The following SPIDR variants were observed in gnomAD, a reference collection of about 807,000 sequenced individuals.
SPIDR encodes the protein DNA repair-scaffolding protein.
Under a neutral mutation model 104.6 loss-of-function variants are expected in SPIDR, and 93 were observed. The observed-to-expected ratio is 0.89, with a 90% CI of 0.75 to 1.06. The LOEUF is 1.06. Ranked by LOEUF, SPIDR falls within the 50% of genes least tolerant of loss-of-function variation. The pLI, the probability that SPIDR is intolerant of heterozygous loss-of-function variation, is 0.00. For missense variants in SPIDR, 1,154 were observed against 1,111.2 expected (o/e 1.04, Z -0.55); for synonymous variants, 431 against 416.9 (o/e 1.03, Z -0.41).
At chr8:47,693,187 TG>T (rs2078908435) in intron 11 of SPIDR, among the ~76,000 whole-genome samples, 1 of 152,354 alleles carries the variant, frequency 6.6e-6, no homozygotes, top group South Asian at 2.1e-4. Flanking sequence ...ACTCAAGTAT[TG>T]TTTTTTTGTG....
chr8:47,436,164 T>C (rs1585675541), intron 7 of SPIDR, among the ~76,000 whole-genome samples: 1 of 152,158 alleles, frequency 6.6e-6, no homozygotes, highest in African/African-American at 2.4e-5. Flanking sequence ...GTAGTGCTCT[T>C]GGGGTAGCCG....
At chr8:47,380,119 C>T (rs1185747807) in intron 5 of SPIDR, among the ~76,000 whole-genome samples, 4 of 152,142 alleles carry the variant, frequency 2.6e-5, no homozygotes, top group Non-Finnish European at 5.9e-5. Context: ...TAAAACATGC[C>T]ATCGTGTTTG....
chr8:47,330,196 G>A (rs1192792583), intron 5 of SPIDR, among the ~76,000 whole-genome samples: 1 of 150,586 alleles, frequency 6.6e-6, no homozygotes. Context: ...TTTTCTTAAG[G>A]TGCTTTTTTT....
At chr8:47,398,640 T>G (rs1298517802) in intron 6 of SPIDR, among the ~76,000 whole-genome samples, 2 of 152,186 alleles carry the variant, frequency 1.3e-5, no homozygotes, top group African/African-American at 4.8e-5. Flanking sequence ...ATTATACATC[T>G]TAGTGGGACT....
intron 7 of SPIDR, among the ~76,000 whole-genome samples, chr8:47,425,653 A>AT (rs1234989254): frequency 6.6e-6 from 1 of 152,128 alleles, no homozygotes; most frequent in African/African-American, 2.4e-5. Flanking sequence ...TATTTTAAAT[A>AT]TTTTTTCTTG....
rs536302017 is a variant in SPIDR, at chr8:47,515,188, T to C, written c.1097+74646T>C. On this transcript the variant is annotated intron_variant, in intron 8 of 19. Coordinates refer to ENST00000297423, the MANE Select transcript of SPIDR (RefSeq NM_001080394.4). Reference sequence around the variant, plus strand: ...TAGTGTGCTTTCTGACAATAGCCCATTACTTAAATTTTCTATCTGCCAGTT... The same window carrying C: ...TAGTGTGCTTTCTGACAATAGCCCACTACTTAAATTTTCTATCTGCCAGTT... 3.3e-5 allele frequency among the ~76,000 whole-genome samples: 5 copies of C among 152,280 alleles called. No homozygotes were observed. In the South Asian group the frequency reaches 1.0e-3, roughly 32 times the overall value.
intron 8 of SPIDR, among the ~76,000 whole-genome samples, chr8:47,473,998 C>T (rs1408189244): frequency 1.3e-5 from 2 of 152,112 alleles, no homozygotes; most frequent in Non-Finnish European, 2.9e-5. Flanking sequence ...TGCTTTCTTG[C>T]TAAATTGGTG....
chr8:47,735,356 G>GT lies in SPIDR; in HGVS notation c.2658dup (p.Val887CysfsTer51), dbSNP rs1563708135. On this transcript the variant is annotated frameshift_variant, in exon 20 of 20. Coordinates refer to ENST00000297423, the MANE Select transcript of SPIDR (RefSeq NM_001080394.4). LOFTEE classifies it low-confidence loss of function (END_TRUNC). ...GGAAAGGAAGTGGGGTTGTTAAATT[G>GT]TTTTGTCCAGTCCGTAACCGCCCAC... 6.2e-7 allele frequency: 1 copy of GT among 1,613,994 alleles called. No homozygotes were observed.
intron 14 of SPIDR, among the ~76,000 whole-genome samples, chr8:47,707,155 G>A (rs2081212308): frequency 6.6e-6 from 1 of 151,740 alleles, no homozygotes; most frequent in African/African-American, 2.4e-5. Context: ...TTGGGAGGCT[G>A]AGGCAGGAGA....
chr8:47,594,197 A>C (rs1187545818), intron 8 of SPIDR, among the ~76,000 whole-genome samples: 1 of 4,176 alleles, frequency 2.4e-4, no homozygotes, highest in Non-Finnish European at 4.4e-4. Flanking sequence ...CAGTCTCTAC[A>C]AAAAAAAAAA....
At chr8:47,553,977 C>T (rs989028208) in intron 8 of SPIDR, among the ~76,000 whole-genome samples, 2 of 152,210 alleles carry the variant, frequency 1.3e-5, no homozygotes, top group East Asian at 1.9e-4. Flanking sequence ...ACAATCAGGA[C>T]CCTCAGCTGC....
chr8:47,735,622 A>C lies in SPIDR; in HGVS notation c.*172A>C. 1 of 1,270,158 alleles carries C rather than the reference A, an allele frequency of 7.9e-7. No individual in the cohort carries two copies. The highest frequency in any genetic ancestry group is 1.1e-6 in the Non-Finnish European group (1 of 940,542). 78.7% of individuals were successfully genotyped at this position (1,270,158 alleles called of 1,614,324 possible). A position where few individuals can be genotyped will look rare whatever the true frequency, so the allele number is the denominator to read the frequency against. On this transcript the variant is annotated 3_prime_UTR_variant, in exon 20 of 20. Coordinates refer to ENST00000297423, the MANE Select transcript of SPIDR (RefSeq NM_001080394.4). ...TTCAGATACAGTTTTGTGAACTGTA[A>C]ATCAAAATACCTTTTTCTACAGTTT... is the stretch of plus-strand genomic sequence containing the variant.
intron 14 of SPIDR, among the ~76,000 whole-genome samples, chr8:47,708,614 C>T (rs2081409944): frequency 6.6e-6 from 1 of 152,160 alleles, no homozygotes; most frequent in Non-Finnish European, 1.5e-5. Context: ...TGCCATGTAT[C>T]TACGATCATA....
chr8:47,317,866 G>A lies in SPIDR; in HGVS notation c.525+23836G>A, dbSNP rs200298315. Reference sequence around the variant, plus strand: ...TGGAGTGGACCTCCAGCAAACTCCAGCAGACCTGCAACTGAGGGTCCTGAC... The same window carrying A: ...TGGAGTGGACCTCCAGCAAACTCCAACAGACCTGCAACTGAGGGTCCTGAC... On this transcript the variant is annotated intron_variant, in intron 5 of 19. Coordinates refer to ENST00000297423, the MANE Select transcript of SPIDR (RefSeq NM_001080394.4). Among the ~76,000 whole-genome samples the A allele has an allele frequency of 1.4e-3, 220 of 152,292 alleles. 1 individual carries two copies. The highest frequency in any genetic ancestry group is 3.9e-3 in the Admixed American group (60 of 15,304).
chr8:47,319,350 G>A lies in SPIDR; in HGVS notation c.525+25320G>A, dbSNP rs189269538. Among the ~76,000 whole-genome samples the A allele has an allele frequency of 3.3e-4, 51 of 152,288 alleles. 1 individual carries two copies. In the East Asian group the frequency reaches 9.7e-3, roughly 29 times the overall value. ...ACAAAGATCAAAAGAGACAAAGCAG[G>A]CCATTATGTAATGGTAAAGGGATCA... On this transcript the variant is annotated intron_variant, in intron 5 of 19. Transcript: ENST00000297423.
intron 9 of SPIDR, among the ~76,000 whole-genome samples, chr8:47,596,544 C>T (rs553955018): frequency 2.6e-5 from 4 of 151,982 alleles, no homozygotes; most frequent in Non-Finnish European, 5.9e-5. Flanking sequence ...AAATGGAGCC[C>T]GTAGAACTGG....
intron 6 of SPIDR, among the ~76,000 whole-genome samples, chr8:47,401,073 G>C (rs1371617690): frequency 6.6e-6 from 1 of 152,048 alleles, no homozygotes; most frequent in Non-Finnish European, 1.5e-5. Flanking sequence ...GAAATGTTAA[G>C]GGCAGCCAGA....
intron 5 of SPIDR, among the ~76,000 whole-genome samples, chr8:47,376,817 A>G (rs1192248280): frequency 6.6e-6 from 1 of 152,180 alleles, no homozygotes; most frequent in Non-Finnish European, 1.5e-5. Flanking sequence ...CCTAGTAAAG[A>G]AATTGAGAAA....
intron 8 of SPIDR, chr8:47,592,057 CT>C (rs2061084773): frequency 9.9e-7 from 1 of 1,011,060 alleles, no homozygotes; most frequent in Admixed American, 2.2e-5. Context: ...AGTAATGTTT[CT>C]AAGACTGTGT....
Sources: gnomAD v4.1 joint callset for allele counts (sites outside exome capture counted in the v4.1 genomes callset) on GRCh38, gnomAD v4.1.1 for gene constraint, MANE v1.5 for transcripts, NCBI Gene and HGNC (gene_info 2026-07-23, HGNC 2026-07-21) for gene names.